The following CFAP221 variants were observed in gnomAD, a reference collection of about 807,000 sequenced individuals.
The protein encoded by CFAP221 is cilia and flagella associated protein 221, also known as cilia- and flagella-associated protein 221.
In CFAP221, 97 loss-of-function variants were observed where a neutral mutation model predicts 113.1. That is an observed-to-expected ratio of 0.86 (90% CI 0.73 to 1.02). The LOEUF is 1.02. CFAP221 is among the 50% of genes least tolerant of loss of function. The pLI, the probability that CFAP221 is intolerant of heterozygous loss-of-function variation, is 0.00. For missense variants in CFAP221, 1,025 were observed against 1,013.4 expected, an observed-to-expected ratio of 1.01 and a Z score of -0.16; for synonymous variants, 331 against 354.4, an observed-to-expected ratio of 0.93 and a Z score of 0.74.
At chr2:119,625,768 C>G (rs1254636442) in intron 15 of CFAP221, 80 bp downstream of exon 15, 1 of 1,207,534 alleles carries the variant, frequency 8.3e-7, no homozygotes, top group African/African-American at 1.5e-5. Context: ...ATGAAGTTAG[C>G]TCTATGCAAA....
At chr2:119,583,318 A>G (rs1376261286) in intron 6 of CFAP221, among the ~76,000 whole-genome samples, 2 of 151,984 alleles carry the variant, frequency 1.3e-5, no homozygotes, top group African/African-American at 4.8e-5. Flanking sequence ...TCAGTATTAT[A>G]CTAGAAGTCT....
chr2:119,615,557 T>G, intron 13 of CFAP221, 54 bp from the exon 14 acceptor site: 1 of 1,290,430 alleles, frequency 7.7e-7, no homozygotes, highest in South Asian at 1.4e-5. Flanking sequence ...ATTAGATGTT[T>G]ATGACAGGAG....
chr2:119,616,393 G>A lies in CFAP221; in HGVS notation c.1410+684G>A, dbSNP rs142776497. Among the ~76,000 whole-genome samples, 177 of 152,278 alleles carry A rather than the reference G, an allele frequency of 1.2e-3. 1 individual carries two copies. The highest frequency in any genetic ancestry group is 9.9e-3 in the East Asian group (51 of 5,174). On this transcript the variant is annotated intron_variant, in intron 14 of 23. Coordinates refer to ENST00000413369, the MANE Select transcript of CFAP221 (RefSeq NM_001271049.2). Reference sequence around the variant, plus strand: ...TGTTTTCACCTTTTGGCTATTATGAGTAAAAATGGGATATTGATCAGTTAC... The same window carrying A: ...TGTTTTCACCTTTTGGCTATTATGAATAAAAATGGGATATTGATCAGTTAC...
At chr2:119,552,865 A>G (rs974317550) in intron 3 of CFAP221, among the ~76,000 whole-genome samples, 6 of 151,584 alleles carry the variant, frequency 4.0e-5, no homozygotes, top group Non-Finnish European at 8.8e-5. Flanking sequence ...AAATAAATAA[A>G]TAGATAAGAA....
At position 119,568,234 on chromosome 2, in the gene CFAP221, A is replaced by T. The variant is rs554489688; in HGVS notation, c.527+6120A>T. Among the ~76,000 whole-genome samples, 4 of 152,350 alleles carry T rather than the reference A, an allele frequency of 2.6e-5. No individual in the cohort carries two copies. The South Asian group carries it at 8.3e-4, about 32-fold the overall frequency. ...GAAGTCATTGTTGCTATTATCCTGA[A>T]CAAACTGTTAGCTGTTAGATCAATT... On this transcript the variant is annotated intron_variant, in intron 6 of 23. Coordinates refer to ENST00000413369, the MANE Select transcript of CFAP221 (RefSeq NM_001271049.2).
intron 7 of CFAP221, among the ~76,000 whole-genome samples, chr2:119,587,602 A>G (rs1490427308): frequency 2.0e-5 from 3 of 152,126 alleles, no homozygotes; most frequent in Admixed American, 2.0e-4. Context: ...TGTGGTGTAG[A>G]CAGTATGTTT....
rs117233896 is a variant in CFAP221 at position 119,608,044 on chromosome 2, C to T, written c.1134-458C>T. Among the ~76,000 whole-genome samples, 3 of 152,272 alleles carry T rather than the reference C, an allele frequency of 2.0e-5. No individual in the cohort carries two copies. The East Asian group carries it at 5.8e-4, about 29-fold the overall frequency. ...ATACCTAGGCGTGGAACTGCTAGGT[C>T]ATATGGTAACTCTATGTTTAACTTT... On this transcript the variant is annotated intron_variant, in intron 11 of 23. Transcript: ENST00000413369.
intron 16 of CFAP221, 96 bp downstream of exon 16, chr2:119,627,882 C>G: frequency 6.8e-7 from 1 of 1,480,898 alleles, no homozygotes; most frequent in Non-Finnish European, 9.2e-7. Context: ...AGTCCCTTCA[C>G]CTCCTCCCAG....
chr2:119,634,029 G>A (rs1008218941), intron 19 of CFAP221, among the ~76,000 whole-genome samples: 22 of 152,170 alleles, frequency 1.4e-4, no homozygotes, highest in African/African-American at 5.1e-4. Flanking sequence ...GACCTCTTGA[G>A]TTCAGGAGTT....
At chr2:119,630,990 T>C in intron 19 of CFAP221, 89 bp downstream of exon 19, 1 of 1,494,870 alleles carries the variant, frequency 6.7e-7, no homozygotes, top group African/African-American at 1.4e-5. Context: ...TTGGGAATAT[T>C]TTTTCTCTTT....
chr2:119,559,302 A>G (rs958943185), intron 3 of CFAP221, among the ~76,000 whole-genome samples: 2 of 152,184 alleles, frequency 1.3e-5, no homozygotes, highest in African/African-American at 4.8e-5. Flanking sequence ...GCATGTAATT[A>G]GAGAACCTTT....
At chr2:119,631,328 C>T (rs368379319) in intron 19 of CFAP221, among the ~76,000 whole-genome samples, 1 of 152,060 alleles carries the variant, frequency 6.6e-6, no homozygotes, top group East Asian at 1.9e-4. Context: ...AAAAGGAGGG[C>T]AGATGAAACC....
At position 119,546,240 on chromosome 2, in the gene CFAP221, AAAG is replaced by A. The variant is rs1169996824; in HGVS notation, c.113_115del (p.Glu38del). 2.7e-5 allele frequency: 42 copies of A among 1,535,720 alleles called. No homozygotes were observed. The highest frequency in any genetic ancestry group is 4.1e-5 in the African/African-American group (3 of 73,020). ...CCTAGTGGAGGAGCCGAAAAAAAGA[AAAG>A]AAGTACCTAATCACCTCCTAGAATC... On this transcript the variant is annotated inframe_deletion, in exon 2 of 24. Transcript: ENST00000413369.
At chr2:119,627,136 C>G (rs1019087493) in intron 15 of CFAP221, among the ~76,000 whole-genome samples, 1 of 152,058 alleles carries the variant, frequency 6.6e-6, no homozygotes, top group Admixed American at 6.6e-5. Flanking sequence ...TGGCCTGAGC[C>G]TCTGAGCCTG....
chr2:119,625,555 T>C, intron 14 of CFAP221, 28 bp from the exon 15 acceptor site: 3 of 1,561,210 alleles, frequency 1.9e-6, no homozygotes, highest in South Asian at 2.2e-5. Flanking sequence ...GATTAATAAT[T>C]TGAAATCATT....
intron 11 of CFAP221, among the ~76,000 whole-genome samples, chr2:119,607,192 C>T (rs926425207): frequency 1.3e-5 from 2 of 151,976 alleles, no homozygotes; most frequent in African/African-American, 4.8e-5. Flanking sequence ...AGGGTTTTGC[C>T]ACATTGCCCA....
At chr2:119,622,666 C>T (rs1686014675) in intron 14 of CFAP221, among the ~76,000 whole-genome samples, 2 of 152,170 alleles carry the variant, frequency 1.3e-5, no homozygotes, top group Admixed American at 1.3e-4. Context: ...AAAGGTTATC[C>T]ATCACGATCA....
intron 7 of CFAP221, among the ~76,000 whole-genome samples, chr2:119,598,721 G>A (rs974245630): frequency 3.9e-5 from 6 of 152,132 alleles, no homozygotes; most frequent in South Asian, 2.1e-4. Context: ...AACATTTGAC[G>A]ATCTGCTGCT....
At chr2:119,611,040 C>T (rs949699319) in intron 12 of CFAP221, among the ~76,000 whole-genome samples, 7 of 151,962 alleles carry the variant, frequency 4.6e-5, no homozygotes, top group East Asian at 1.9e-4. Flanking sequence ...CACTCACCTC[C>T]GGGGAACCGC....
Sources: gnomAD v4.1 joint callset for allele counts (sites outside exome capture counted in the v4.1 genomes callset) on GRCh38, gnomAD v4.1.1 for gene constraint, MANE v1.5 for transcripts, NCBI Gene and HGNC (gene_info 2026-07-23, HGNC 2026-07-21) for gene names.